Variants in TTN observed in about 807,000 individuals in gnomAD.
The protein encoded by TTN is connectin.
Under a neutral mutation model 3,223.0 loss-of-function variants are expected in TTN, and 1,525 were observed. That is an observed-to-expected ratio of 0.47 (90% CI 0.45 to 0.49). The LOEUF is 0.49. TTN is among the 20% of genes least tolerant of loss of function. The pLI is 0.00. For missense variants in TTN, 40,786 were observed against 43,424.0 expected (o/e 0.94, Z 5.40); for synonymous variants, 14,094 against 15,161.0 (o/e 0.93, Z 5.17).
intron 240 of TTN, 112 bp from the exon 241 acceptor site, chr2:178,625,508 C>T: frequency 7.9e-7 from 1 of 1,271,968 alleles, no homozygotes; most frequent in Non-Finnish European, 1.0e-6. Flanking sequence ...GTTTTATAAT[C>T]ATCTATTTAG....
intron 242 of TTN, 32 bp downstream of exon 242, chr2:178,624,433 A>C (rs2058733117): frequency 1.2e-6 from 2 of 1,607,942 alleles, no homozygotes; most frequent in Non-Finnish European, 8.5e-7. Context: ...AAGAATTGCA[A>C]ATGAAAAGTC....
chr2:178,605,956 C>CT (rs1329130339), intron 278 of TTN, among the ~76,000 whole-genome samples: 1 of 151,898 alleles, frequency 6.6e-6, no homozygotes. Flanking sequence ...GGCACGTATG[C>CT]TTTTTTAATT....
chr2:178,704,966 C>T lies in TTN; in HGVS notation c.29605G>A (p.Glu9869Lys). Residue 9869 changes from glutamate (E) to lysine (K), a missense_variant and splice_region_variant, in exon 104 of 363, where the codon GAA becomes AAA. Physicochemically the swap from Glu to Lys is moderately conservative, Grantham distance 56. Coordinates refer to ENST00000589042, the MANE Select transcript of TTN (RefSeq NM_001267550.2). ...QSQEEETHRLEIEEIERSERD... is the reference protein window; with the variant it reads ...QSQEEETHRLKIEEIERSERD... ...TCTGACCTCTCTATTTCCTCAATTT[C>T]CTGAGAAGAACAAAAATGATAGGCA... 6.2e-7 allele frequency: 1 copy of T among 1,611,966 alleles called. No individual in the cohort carries two copies. The highest frequency in any genetic ancestry group is 1.3e-5 in the African/African-American group (1 of 74,966).
chr2:178,734,819 A>C lies in TTN; in HGVS notation c.15105T>G (p.Ser5035=). ...CATCCGTAATATCAAGTATAGCCTC[A>C]GAATTGACAAAATACATTCGGACTG... The part of the protein sequence containing the change: ...SNTVRMYFVN[S]EAILDITDVK... The change falls in exon 51 of 363, where the codon TCT becomes TCG. Residue 5035 remains serine (S), a synonymous_variant. Coordinates refer to ENST00000589042, the MANE Select transcript of TTN (RefSeq NM_001267550.2). 1 of 1,613,836 alleles carries C rather than the reference A, an allele frequency of 6.2e-7. No individual in the cohort carries two copies. Among genetic ancestry groups the C allele is most frequent in the Non-Finnish European group, 8.5e-7 (1 of 1,179,784 alleles).
chr2:178,715,129 C>A lies in TTN; in HGVS notation c.26057G>T (p.Gly8686Val). Residue 8686 changes from glycine to valine, a missense_variant, in exon 90 of 363, where the codon GGC (glycine) becomes GTC (valine). By Grantham distance (109) the Gly-to-Val change is moderately radical (BLOSUM62 -3). Coordinates refer to ENST00000589042, the MANE Select transcript of TTN (RefSeq NM_001267550.2). ...WYKDKRELRS[G>V]KKYKIMSENF... ...CTCAGACATTATCTTGTACTTCTTG[C>A]CGCTCCTAAGTTCTCTCTTGTCTTT... 2 of 1,613,706 alleles carry A rather than the reference C, an allele frequency of 1.2e-6. No individual in the cohort carries two copies. The highest frequency in any genetic ancestry group is 1.7e-6 in the Non-Finnish European group (2 of 1,179,712).
Position 178,731,380 on chromosome 2 carries a change from G to C in TTN, c.17386C>G (p.His5796Asp), listed in dbSNP as rs397517485. The change falls in exon 59 of 363, where the codon CAT becomes GAT. Residue 5796 changes from histidine to aspartate, a missense_variant. His to Asp is a moderately conservative substitution (Grantham distance 81). Coordinates refer to ENST00000589042, the MANE Select transcript of TTN (RefSeq NM_001267550.2). ...GCCTGACAGACATATTTCCCATCATGCTTGACTTCAATGCCACTGAGGTAC... is the reference window on the plus strand; with the variant it reads ...GCCTGACAGACATATTTCCCATCATCCTTGACTTCAATGCCACTGAGGTAC... ...SLYLSGIEVK[H>D]DGKYVCQAKN... The C allele has an allele frequency of 1.2e-5, 19 of 1,613,596 alleles. No individual in the cohort carries two copies. In the South Asian group the frequency reaches 2.1e-4, roughly 18 times the overall value.
chr2:178,772,209 T>C (rs1199499458), intron 33 of TTN, among the ~76,000 whole-genome samples: 1 of 152,208 alleles, frequency 6.6e-6, no homozygotes, highest in Non-Finnish European at 1.5e-5. Context: ...ATTAAATGTA[T>C]AAAAATGCTG....
chr2:178,613,363 T>C, intron 263 of TTN, 87 bp from the exon 264 acceptor site: 2 of 1,066,624 alleles, frequency 1.9e-6, no homozygotes, highest in Non-Finnish European at 2.7e-6. Flanking sequence ...GACTAATTTA[T>C]TTAAATTGTG....
Position 178,564,317 on chromosome 2 carries a change from G to T in TTN, c.81815C>A (p.Ala27272Glu). 1 of 1,613,624 alleles carries T rather than the reference G, an allele frequency of 6.2e-7. No homozygotes were observed. The highest frequency in any genetic ancestry group is 8.5e-7 in the Non-Finnish European group (1 of 1,179,756). ...TTTTGGATCCAGAGAGGCATTTGGT[G>T]CATCAATTTCATCTCTTGCAGTAAT... ...GAITARDEID[A>E]PNASLDPKYK... The change falls in exon 326 of 363, where the codon GCA becomes GAA. Residue 27272 changes from alanine (A) to glutamate (E), a missense_variant. Ala to Glu is a moderately radical substitution (Grantham distance 107). Transcript: ENST00000589042.
Position 178,591,066 on chromosome 2 carries a change from C to T in TTN, c.60659G>A (p.Gly20220Asp). The stretch of plus-strand genomic sequence containing the variant: ...CTTACTGCTTCCGGAAGAGACAACA[C>T]CCCACGTGTCTTTCCTTGTATCTTG... ...EKQDTRKDTW[G>D]VVSSGSSKTK... The change falls in exon 304 of 363, where the codon GGT becomes GAT. Residue 20220 changes from glycine to aspartate, a missense_variant. Coordinates refer to ENST00000589042, the MANE Select transcript of TTN (RefSeq NM_001267550.2). 1 of 1,613,360 alleles carries T rather than the reference C, an allele frequency of 6.2e-7. No homozygotes were observed. The highest frequency in any genetic ancestry group is 8.5e-7 in the Non-Finnish European group (1 of 1,179,558).
At chr2:178,760,544 C>A (rs957488786) in intron 43 of TTN, among the ~76,000 whole-genome samples, 1 of 152,110 alleles carries the variant, frequency 6.6e-6, no homozygotes, top group Non-Finnish European at 1.5e-5. Flanking sequence ...AAAATGAAAT[C>A]TTGACACTAC....
At chr2:178,804,442 T>G in intron 2 of TTN, 110 bp downstream of exon 2, 1 of 1,033,602 alleles carries the variant, frequency 9.7e-7, no homozygotes. Context: ...TGGACTAATT[T>G]TCCGAAGTGA....
rs1356651220 is a variant in TTN, at chr2:178,613,150, A to G, written c.49648+11T>C. Reference sequence around the variant, plus strand: ...ACTTCGAAATAACCACAAAAATTATATAAATAATACCTATGGGATCCTTTA... The same window carrying G: ...ACTTCGAAATAACCACAAAAATTATGTAAATAATACCTATGGGATCCTTTA... On this transcript the variant is annotated intron_variant, in intron 264 of 362. Transcript: ENST00000589042. The G allele has an allele frequency of 3.1e-6, 5 of 1,607,260 alleles. No individual in the cohort carries two copies. In the African/African-American group the frequency reaches 6.7e-5, roughly 22 times the overall value.
At chr2:178,665,502 A>G (rs779466946) in intron 164 of TTN, 42 bp from the exon 165 acceptor site, 2 of 1,587,574 alleles carry the variant, frequency 1.3e-6, no homozygotes, top group Non-Finnish European at 1.7e-6. Flanking sequence ...TAAAAGGATC[A>G]GTGGAGACAT....
At chr2:178,793,331 C>T in intron 9 of TTN, 73 bp downstream of exon 9, 1 of 1,569,294 alleles carries the variant, frequency 6.4e-7, no homozygotes, top group African/African-American at 1.4e-5. Context: ...CAACACTCTT[C>T]ATGGTAAAGG....
Position 178,580,089 on chromosome 2 carries a change from A to G in TTN, c.67198T>C (p.Ser22400Pro), listed in dbSNP as rs1575883693. 6.2e-7 allele frequency: 1 copy of G among 1,613,294 alleles called. No individual in the cohort carries two copies. The highest frequency in any genetic ancestry group is 2.2e-5 in the East Asian group (1 of 44,796). The change falls in exon 318 of 363, where the codon TCC becomes CCC. Residue 22400 changes from serine to proline, a missense_variant. Transcript: ENST00000589042. Reference protein sequence around the residue: ...VVQKRDAERKSWSTVTTECSK... With the variant: ...VVQKRDAERKPWSTVTTECSK... ...CACTCAGTTGTCACTGTAGACCAGGATTTCCTCTCTGCATCACGTTTTTGT... is the reference window on the plus strand; with the variant it reads ...CACTCAGTTGTCACTGTAGACCAGGGTTTCCTCTCTGCATCACGTTTTTGT...
At chr2:178,803,029 C>A (rs997054270) in intron 2 of TTN, among the ~76,000 whole-genome samples, 3 of 152,170 alleles carry the variant, frequency 2.0e-5, no homozygotes, top group Admixed American at 6.5e-5. Context: ...AACTACATGT[C>A]CATGGTTTGA....
At chr2:178,599,895 A>AG in intron 288 of TTN, 45 bp from the exon 289 acceptor site, 1 of 1,498,674 alleles carries the variant, frequency 6.7e-7, no homozygotes, top group Non-Finnish European at 8.9e-7. Context: ...AAAAGCATTG[A>AG]GGGATAGAAA....
rs1465190956 is a variant in TTN at position 178,559,766 on chromosome 2, C to T, written c.86366G>A (p.Ser28789Asn). ...RGRPVPNVLW[S>N]KPDTDLRTRA... ...AGTACGGAGGTCAGTGTCTGGCTTA[C>T]TCCACAAGACATTGGGTACTGGTCT... is the stretch of plus-strand genomic sequence containing the variant. Residue 28789 changes from serine (S) to asparagine (N), a missense_variant, in exon 326 of 363, where the codon AGT (serine) becomes AAT (asparagine). By Grantham distance (46) the Ser-to-Asn change is conservative. Transcript: ENST00000589042. The T allele has an allele frequency of 2.5e-6, 4 of 1,601,172 alleles. No individual in the cohort carries two copies. The highest frequency in any genetic ancestry group is 3.4e-5 in the Admixed American group (2 of 59,296).
Sources: allele counts gnomAD v4.1 joint callset (sites outside exome capture counted in the v4.1 genomes callset), GRCh38; gene constraint gnomAD v4.1.1; transcripts MANE v1.5; gene names NCBI Gene and HGNC (gene_info 2026-07-23, HGNC 2026-07-21).